Variants in LRRC69 observed in about 807,000 individuals in gnomAD.
LRRC69 encodes the protein leucine rich repeat containing 69.
Under a neutral mutation model 37.8 loss-of-function variants are expected in LRRC69, and 42 were observed. That is an observed-to-expected ratio of 1.11 (90% CI 0.87 to 1.44). The LOEUF is 1.44. Ranked by LOEUF, LRRC69 falls within the 40% of genes most tolerant of loss-of-function variation. The probability of loss-of-function intolerance (pLI) is 0.00; values close to 1 mark genes in which losing one functional copy is unlikely to be tolerated. For missense variants in LRRC69, 357 were observed against 401.9 expected (o/e 0.89, Z 0.96); for synonymous variants, 141 against 143.1 (o/e 0.99, Z 0.11).
chr8:91,151,438 G>T (rs1808735407), intron 5 of LRRC69, among the ~76,000 whole-genome samples: 1 of 151,830 alleles, frequency 6.6e-6, no homozygotes, highest in African/African-American at 2.4e-5. Flanking sequence ...TGATTGCACT[G>T]TGGTCTGAGG....
chr8:91,202,192 C>T (rs367990734), intron 7 of LRRC69, among the ~76,000 whole-genome samples: 4 of 151,802 alleles, frequency 2.6e-5, no homozygotes, highest in South Asian at 2.1e-4. Flanking sequence ...GGCAACAGAG[C>T]GAGACTCTGT....
At chr8:91,135,194 G>A (rs937194864) in intron 4 of LRRC69, among the ~76,000 whole-genome samples, 1 of 152,024 alleles carries the variant, frequency 6.6e-6, no homozygotes, top group African/African-American at 2.4e-5. Flanking sequence ...TAGGACTTAA[G>A]AAGAGGACTC....
At chr8:91,146,380 C>A (rs1283819863) in intron 5 of LRRC69, among the ~76,000 whole-genome samples, 1 of 151,726 alleles carries the variant, frequency 6.6e-6, no homozygotes, top group Non-Finnish European at 1.5e-5. Context: ...TTTAGTCTTG[C>A]AGTAAAAGTG....
chr8:91,189,889 T>C (rs1053187787), intron 6 of LRRC69, among the ~76,000 whole-genome samples: 2 of 152,190 alleles, frequency 1.3e-5, no homozygotes, highest in Admixed American at 1.3e-4. Context: ...TATTTTCACT[T>C]TAGCCTTTTC....
intron 1 of LRRC69, 59 bp from the exon 2 acceptor site, chr8:91,124,431 TTTC>T (rs1813683499): frequency 1.5e-6 from 2 of 1,341,368 alleles, no homozygotes. Flanking sequence ...GCTTAAATTA[TTTC>T]TTTTTTTCAT....
chr8:91,104,987 T>C (rs1281670517), intron 1 of LRRC69, among the ~76,000 whole-genome samples: 1 of 152,056 alleles, frequency 6.6e-6, no homozygotes, highest in Non-Finnish European at 1.5e-5. Flanking sequence ...GCCCTCTCAT[T>C]CTTCTATTTA....
At chr8:91,200,565 A>T in intron 6 of LRRC69, 48 bp from the exon 7 acceptor site, 1 of 1,190,368 alleles carries the variant, frequency 8.4e-7, no homozygotes, top group African/African-American at 1.6e-5. Context: ...GTAATGTAAA[A>T]TAGTTTTGAA....
chr8:91,186,456 A>G (rs1424515649), intron 5 of LRRC69, among the ~76,000 whole-genome samples: 1 of 151,222 alleles, frequency 6.6e-6, no homozygotes, highest in Non-Finnish European at 1.5e-5. Context: ...CATGAGTCAT[A>G]ACTGTGAGAT....
chr8:91,170,732 C>T (rs1245703018), intron 5 of LRRC69, among the ~76,000 whole-genome samples: 1 of 84,082 alleles, frequency 1.2e-5, no homozygotes, highest in African/African-American at 5.0e-5. Flanking sequence ...CTTCCTTACA[C>T]CTTATACAAA....
In LRRC69 at chr8:91,140,639, ATTTTTTTTTT is replaced by A. The variant is rs71266165; in HGVS notation, c.651+4923_651+4932del. On this transcript the variant is annotated intron_variant, in intron 5 of 7. Coordinates refer to ENST00000448384, the Ensembl canonical transcript of LRRC69. ...TTAAATGAATATTCTTCAATATGTG[ATTTTTTTTTT>A]TTTTTTTTTTTTTTTTTTTTTTGAG... Among the ~76,000 whole-genome samples the A allele has an allele frequency of 1.1e-3, 25 of 23,250 alleles. 6 individuals are homozygous for A. Among genetic ancestry groups the A allele is most frequent in the African/African-American group, 5.8e-3 (25 of 4,324 alleles). 15.3% of individuals were successfully genotyped at this position (23,250 alleles called of 152,430 possible). A position where few individuals can be genotyped will look rare whatever the true frequency, so the allele number is the denominator to read the frequency against.
At chr8:91,201,476 TATA>T (rs1281470055) in intron 7 of LRRC69, among the ~76,000 whole-genome samples, 2 of 152,204 alleles carry the variant, frequency 1.3e-5, no homozygotes, top group Middle Eastern at 3.4e-3. Flanking sequence ...TTAAATTTCA[TATA>T]ATGTTAACAT....
intron 5 of LRRC69, among the ~76,000 whole-genome samples, chr8:91,144,056 ATAAT>A (rs1445842122): frequency 3.3e-5 from 5 of 152,146 alleles, no homozygotes; most frequent in South Asian, 4.1e-4. Flanking sequence ...GAATGAATGA[ATAAT>A]TAAATGAGAT....
At chr8:91,177,883 G>C (rs6987761) in intron 5 of LRRC69, among the ~76,000 whole-genome samples, 96,553 of 141,564 alleles carry the variant, frequency 0.68, 33,055 homozygotes, top group Middle Eastern at 0.76. Flanking sequence ...GAGTCTTGCT[G>C]TGTTGCCCAG....
intron 7 of LRRC69, among the ~76,000 whole-genome samples, chr8:91,217,756 A>C (rs551199887): frequency 2.6e-5 from 4 of 152,284 alleles, no homozygotes; most frequent in African/African-American, 7.2e-5. Context: ...AAAAACCAAG[A>C]CGTCCACTGA....
At chr8:91,205,000 G>A (rs1403293549) in intron 7 of LRRC69, among the ~76,000 whole-genome samples, 1 of 151,936 alleles carries the variant, frequency 6.6e-6, no homozygotes, top group African/African-American at 2.4e-5. Context: ...TTTTCCATTG[G>A]CCTTATCTGT....
intron 5 of LRRC69, among the ~76,000 whole-genome samples, chr8:91,154,443 T>C (rs1808797113): frequency 6.6e-6 from 1 of 151,792 alleles, no homozygotes; most frequent in African/African-American, 2.4e-5. Flanking sequence ...TTCAGGCCAA[T>C]ATCTCTGATG....
At chr8:91,151,567 A>G (rs1399638893) in intron 5 of LRRC69, among the ~76,000 whole-genome samples, 1 of 151,262 alleles carries the variant, frequency 6.6e-6, no homozygotes, top group Non-Finnish European at 1.5e-5. Context: ...GGTTTGTTCC[A>G]AGTCTTTGCT....
intron 7 of LRRC69, among the ~76,000 whole-genome samples, chr8:91,202,513 T>C (rs1397729099): frequency 6.6e-6 from 1 of 152,202 alleles, no homozygotes; most frequent in Non-Finnish European, 1.5e-5. Flanking sequence ...GGAAATGATA[T>C]TTTAAATGAC....
chr8:91,139,372 T>G (rs1808489324), intron 5 of LRRC69, among the ~76,000 whole-genome samples: 1 of 151,900 alleles, frequency 6.6e-6, no homozygotes, highest in South Asian at 2.1e-4. Context: ...AAACCCCATC[T>G]CTACTAAAAA....
Sources: gnomAD v4.1 joint callset for allele counts (sites outside exome capture counted in the v4.1 genomes callset) on GRCh38, gnomAD v4.1.1 for gene constraint, MANE v1.5 for transcripts, NCBI Gene and HGNC (gene_info 2026-07-23, HGNC 2026-07-21) for gene names.